Variants in COL25A1 observed in about 807,000 individuals in gnomAD.
COL25A1 encodes the protein collagen type XXV alpha 1 chain, also known as collagen alpha-1(XXV) chain.
Under a neutral mutation model 128.4 loss-of-function variants are expected in COL25A1, and 103 were observed. The ratio of observed to expected loss-of-function variants is 0.80; its 90% CI spans 0.68 to 0.94. COL25A1 has a LOEUF of 0.94. Among genes scored for constraint, COL25A1 ranks in the 40% least tolerant of loss-of-function variants. The pLI, the probability that COL25A1 is intolerant of heterozygous loss-of-function variation, is 0.00. For missense variants in COL25A1, 745 were observed against 840.0 expected (o/e 0.89, Z 1.40); for synonymous variants, 279 against 277.2 (o/e 1.01, Z -0.06).
rs957441848 is a variant in COL25A1 at position 109,300,543 on chromosome 4, C to G, written c.367+40G>C. The stretch of plus-strand genomic sequence containing the variant: ...CACAGGACCTTTGTTTTAAAATGCT[C>G]TGCTCTGGAGGAAACCTTGTTAAAT... On this transcript the variant is annotated intron_variant, in intron 3 of 37. Coordinates refer to ENST00000399132, the MANE Select transcript of COL25A1 (RefSeq NM_198721.4). 3 of 1,387,700 alleles carry G rather than the reference C, an allele frequency of 2.2e-6. No individual in the cohort carries two copies. In the Admixed American group the frequency reaches 5.0e-5, roughly 23 times the overall value. The allele number at this position is 1,387,700 out of a possible 1,614,324, so 86.0% of individuals were successfully genotyped here.
rs570770262 is a variant in COL25A1 at position 108,907,886 on chromosome 4, T to C, written c.781-6714A>G. ...TTCAGTACACTGGTGTTAGATGTACTGAACTTCCAGTTCTGACAAAGAACA... is the reference window on the plus strand; with the variant it reads ...TTCAGTACACTGGTGTTAGATGTACCGAACTTCCAGTTCTGACAAAGAACA... On this transcript the variant is annotated intron_variant, in intron 13 of 37. Coordinates refer to ENST00000399132, the MANE Select transcript of COL25A1 (RefSeq NM_198721.4). Among the ~76,000 whole-genome samples, 5 of 152,332 alleles carry C rather than the reference T, an allele frequency of 3.3e-5. No individual in the cohort carries two copies. The East Asian group carries it at 9.6e-4, about 29-fold the overall frequency.
intron 3 of COL25A1, among the ~76,000 whole-genome samples, chr4:109,208,798 A>G (rs1777249293): frequency 6.6e-6 from 1 of 152,166 alleles, no homozygotes; most frequent in Admixed American, 6.6e-5. Context: ...GTAGCATGTG[A>G]CACAACCATC....
chr4:109,047,150 C>T (rs566843942), intron 5 of COL25A1, among the ~76,000 whole-genome samples: 15 of 152,282 alleles, frequency 9.9e-5, no homozygotes, highest in African/African-American at 3.6e-4. Context: ...CTGGTCCAAG[C>T]TCACTGGGGG....
At chr4:109,048,056 C>G in intron 5 of COL25A1, 112 bp downstream of exon 5, 1 of 1,219,010 alleles carries the variant, frequency 8.2e-7, no homozygotes, top group Non-Finnish European at 1.2e-6. Flanking sequence ...CTTAAAAGGT[C>G]AGTAACATTT....
chr4:108,968,053 T>C (rs575124122), intron 8 of COL25A1, among the ~76,000 whole-genome samples: 1 of 152,164 alleles, frequency 6.6e-6, no homozygotes, highest in Admixed American at 6.5e-5. Context: ...TAAAGATTAG[T>C]GGCAAATCTG....
chr4:109,137,719 C>A, intron 3 of COL25A1, among the ~76,000 whole-genome samples: 1 of 152,184 alleles, frequency 6.6e-6, no homozygotes, highest in South Asian at 2.1e-4. Flanking sequence ...TCTCCATCAT[C>A]TCCCAAATCA....
At chr4:109,199,762 G>A (rs1209838216) in intron 3 of COL25A1, among the ~76,000 whole-genome samples, 2 of 152,106 alleles carry the variant, frequency 1.3e-5, no homozygotes, top group South Asian at 2.1e-4. Context: ...TTTGGTCAAC[G>A]AAGTCACTTG....
At chr4:109,245,001 TA>T (rs1346902726) in intron 3 of COL25A1, among the ~76,000 whole-genome samples, 2 of 152,144 alleles carry the variant, frequency 1.3e-5, no homozygotes, top group Non-Finnish European at 2.9e-5. Flanking sequence ...TTTTTAAAAG[TA>T]AACCTCCAAC....
At chr4:108,932,619 G>A (rs1430909082) in intron 11 of COL25A1, among the ~76,000 whole-genome samples, 1 of 152,158 alleles carries the variant, frequency 6.6e-6, no homozygotes, top group Non-Finnish European at 1.5e-5. Flanking sequence ...TTTGGTTTTT[G>A]AAACCTTGGA....
At position 108,862,705 on chromosome 4, in the gene COL25A1, A is replaced by T. The variant is rs181288468; in HGVS notation, c.1153-160T>A. On this transcript the variant is annotated intron_variant, in intron 21 of 37. Transcript: ENST00000399132. ...TCTACAGAATGTCGGTTATTATAAT[A>T]CTAAACATAAGTATCATCACCATAT... Among the ~76,000 whole-genome samples the T allele has an allele frequency of 2.0e-5, 3 of 152,378 alleles. No homozygotes were observed. In the East Asian group the frequency reaches 5.8e-4, roughly 29 times the overall value.
chr4:109,156,646 T>C (rs1169115198), intron 3 of COL25A1, among the ~76,000 whole-genome samples: 1 of 152,044 alleles, frequency 6.6e-6, no homozygotes, highest in Non-Finnish European at 1.5e-5. Context: ...TTTGAAGATA[T>C]AAGGGGGAAA....
chr4:109,237,981 C>G (rs1477510964), intron 3 of COL25A1, among the ~76,000 whole-genome samples: 1 of 152,052 alleles, frequency 6.6e-6, no homozygotes, highest in Non-Finnish European at 1.5e-5. Flanking sequence ...CATGTCATAG[C>G]ATGTGTCAGA....
At chr4:109,012,794 C>A (rs28750377) in intron 5 of COL25A1, among the ~76,000 whole-genome samples, 1 of 151,964 alleles carries the variant, frequency 6.6e-6, no homozygotes, top group African/African-American at 2.4e-5. Context: ...GCCTCCCTGA[C>A]GGGTGCCGCC....
chr4:108,821,825 CTT>C (rs2125710499), intron 35 of COL25A1, among the ~76,000 whole-genome samples: 1 of 152,180 alleles, frequency 6.6e-6, no homozygotes, highest in Non-Finnish European at 1.5e-5. Context: ...CTCTTGATAA[CTT>C]TTATTTCCCA....
chr4:108,851,941 GT>G (rs370566430), intron 26 of COL25A1, among the ~76,000 whole-genome samples: 2 of 151,880 alleles, frequency 1.3e-5, no homozygotes, highest in Non-Finnish European at 2.9e-5. Flanking sequence ...CACATTTAGT[GT>G]TTTTTACATT....
In COL25A1 at chr4:109,015,581, T is replaced by C. The variant is rs182138620; in HGVS notation, c.421-5206A>G. On this transcript the variant is annotated intron_variant, in intron 5 of 37. Coordinates refer to ENST00000399132, the MANE Select transcript of COL25A1 (RefSeq NM_198721.4). ...AGAAAGTGGAGAATACTGAGTGCTC[T>C]GGGTCACTGACTCACTGTACGTCAA... 5.6e-4 allele frequency among the ~76,000 whole-genome samples: 85 copies of C among 152,346 alleles called. 1 individual carries two copies. In the South Asian group the frequency reaches 0.017, roughly 31 times the overall value.
intron 3 of COL25A1, among the ~76,000 whole-genome samples, chr4:109,269,626 T>C (rs1313188303): frequency 2.0e-5 from 3 of 151,408 alleles, no homozygotes; most frequent in Admixed American, 6.6e-5. Flanking sequence ...ATTGCCATTC[T>C]AACTGGTGTG....
rs200814080 is a variant in COL25A1, at chr4:109,050,137, G to C, written c.410C>G (p.Ser137Cys). ...GAGCAGCTGAAAGAGAGACTTACCA[G>C]ATTCTCCTCTTCGGCCTCTCTTACC... is the stretch of plus-strand genomic sequence containing the variant. ...KRGKRGRRGESGPPGQPGPQG... is the reference protein window; with the variant it reads ...KRGKRGRRGECGPPGQPGPQG... The change falls in exon 4 of 38, where the codon TCT becomes TGT. Residue 137 changes from serine (S) to cysteine (C), a missense_variant and splice_region_variant. Around this residue, in one of 3 missense-constraint regions of COL25A1, gnomAD observed 319 missense variants for 324.9 expected, o/e 0.98. Transcript: ENST00000399132. The C allele has an allele frequency of 6.2e-7, 1 of 1,609,442 alleles. No individual in the cohort carries two copies. The highest frequency in any genetic ancestry group is 1.7e-5 in the Admixed American group (1 of 59,822).
Position 108,846,124 on chromosome 4 carries a change from A to C in COL25A1, c.1515+15T>G. 1 of 1,543,324 alleles carries C rather than the reference A, an allele frequency of 6.5e-7. No individual in the cohort carries two copies. On this transcript the variant is annotated intron_variant, in intron 28 of 37. Transcript: ENST00000399132. ...TAATATAAAAAGTATAAACAAACAG[A>C]AAGTATAAACATACCGGTAATCCAG...
Sources: gnomAD v4.1 joint callset for allele counts (sites outside exome capture counted in the v4.1 genomes callset) on GRCh38, gnomAD v4.1.1 for gene constraint, gnomAD v4.1.1 regional missense constraint, MANE v1.5 for transcripts, NCBI Gene and HGNC (gene_info 2026-07-23, HGNC 2026-07-21) for gene names.